Variants in TXLNB observed in about 807,000 individuals in gnomAD.
TXLNB encodes the protein taxilin beta, also known as beta-taxilin.
In TXLNB, 37 loss-of-function variants were observed where a neutral mutation model predicts 57.4. The ratio of observed to expected loss-of-function variants is 0.64; its 90% confidence interval spans 0.50 to 0.85. TXLNB has a LOEUF of 0.85. Among genes scored for constraint, TXLNB ranks in the 40% least tolerant of loss-of-function variants. The probability of loss-of-function intolerance (pLI) is 0.00; values close to 1 mark genes in which losing one functional copy is unlikely to be tolerated. For missense variants in TXLNB, 848 were observed against 825.6 expected (o/e 1.03, Z -0.33); for synonymous variants, 302 against 309.6 (o/e 0.98, Z 0.26).
At chr6:139,234,850 G>A in the TXLNB span, among the ~76,000 whole-genome samples, 2 of 152,164 alleles carry the variant, frequency 1.3e-5, no homozygotes, top group African/African-American at 4.8e-5. Flanking sequence ...TGCACCATGT[G>A]CGTGGAAAAG....
the TXLNB span, among the ~76,000 whole-genome samples, chr6:139,182,019 T>A: frequency 1.3e-5 from 2 of 152,234 alleles, no homozygotes; most frequent in Non-Finnish European, 2.9e-5. Context: ...GACTTGATCG[T>A]ATGCTTCTTC....
In TXLNB at chr6:139,285,094, G is replaced by A. The variant is rs192000707; in HGVS notation, c.424+3382C>T. The stretch of plus-strand genomic sequence containing the variant: ...ACACAGTCAGTTGGAATTTGGTATC[G>A]TAAATAGCGGCAGAATTAGGGAGTT... On this transcript the variant is annotated intron_variant, in intron 2 of 9. Coordinates refer to ENST00000358430, the MANE Select transcript of TXLNB (RefSeq NM_153235.4). Among the ~76,000 whole-genome samples, 219 of 145,428 alleles carry A rather than the reference G, an allele frequency of 1.5e-3. 21 individuals are homozygous for A. The highest frequency in any genetic ancestry group is 4.2e-3 in the Admixed American group (63 of 14,854).
intron 3 of TXLNB, chr6:139,271,918 T>G (rs1448335649): frequency 6.6e-6 from 1 of 152,392 alleles, no homozygotes; most frequent in Non-Finnish European, 1.5e-5. Flanking sequence ...CCCTGGTTCT[T>G]CTGGACCTCA....
chr6:139,160,649 A>G, the TXLNB span, among the ~76,000 whole-genome samples: 1 of 152,174 alleles, frequency 6.6e-6, no homozygotes, highest in African/African-American at 2.4e-5. Context: ...TCCTGGCCGC[A>G]AGTGATTCTC....
the TXLNB span, chr6:139,183,208 G>A: frequency 2.0e-5 from 3 of 152,278 alleles, no homozygotes; most frequent in East Asian, 5.8e-4. Context: ...TATAGTTAAT[G>A]ACTAACTAGG....
At chr6:139,298,624 G>T in the TXLNB span, among the ~76,000 whole-genome samples, 8 of 152,164 alleles carry the variant, frequency 5.3e-5, no homozygotes, top group African/African-American at 1.7e-4. Flanking sequence ...GCTACTATGG[G>T]CTGCAGCAAT....
At chr6:139,276,533 G>A (rs1776900189) in intron 3 of TXLNB, among the ~76,000 whole-genome samples, 1 of 152,174 alleles carries the variant, frequency 6.6e-6, no homozygotes, top group South Asian at 2.1e-4. Context: ...GGGTGATATG[G>A]TTTATTTTCA....
chr6:139,275,872 C>T (rs6907128), intron 3 of TXLNB, among the ~76,000 whole-genome samples: 6,185 of 152,286 alleles, frequency 0.041, 415 homozygotes, highest in African/African-American at 0.14. Flanking sequence ...TAAGCTTCCT[C>T]AGCTGCAATG....
At chr6:139,271,202 C>A in intron 3 of TXLNB, among the ~76,000 whole-genome samples, 1 of 152,174 alleles carries the variant, frequency 6.6e-6, no homozygotes, top group East Asian at 1.9e-4. Context: ...CCTTCCACTA[C>A]CTAAGCATTG....
At chr6:139,266,849 A>G (rs1583010983) in intron 4 of TXLNB, among the ~76,000 whole-genome samples, 1 of 152,206 alleles carries the variant, frequency 6.6e-6, no homozygotes, top group East Asian at 1.9e-4. Flanking sequence ...AAGACCTTGA[A>G]AAGGGCAGAG....
At chr6:139,269,748 G>C (rs575420519) in intron 4 of TXLNB, among the ~76,000 whole-genome samples, 1 of 152,292 alleles carries the variant, frequency 6.6e-6, no homozygotes, top group Admixed American at 6.5e-5. Flanking sequence ...AGCTGGAAAG[G>C]GGATTGGGGA....
At chr6:139,235,519 C>T (rs764136176), downstream of TXLNB, among the ~76,000 whole-genome samples, 1 of 152,126 alleles carries the variant, frequency 6.6e-6, no homozygotes. Context: ...TGTGTCCCCA[C>T]CCAAATCTCA....
chr6:139,321,724 C>T, the TXLNB span, among the ~76,000 whole-genome samples: 49 of 150,386 alleles, frequency 3.3e-4, no homozygotes, highest in Non-Finnish European at 6.2e-4. Context: ...CTCCACCTCC[C>T]GGGTTCACAC....
intron 4 of TXLNB, among the ~76,000 whole-genome samples, chr6:139,265,483 C>A (rs115723514): frequency 2.0e-5 from 3 of 151,796 alleles, no homozygotes; most frequent in African/African-American, 7.3e-5. Flanking sequence ...ATTAAAGAAG[C>A]GGTTTTAATA....
the TXLNB span, among the ~76,000 whole-genome samples, chr6:139,164,831 T>A: frequency 2.7e-5 from 4 of 150,492 alleles, no homozygotes; most frequent in African/African-American, 9.8e-5. Flanking sequence ...GCCACTCTTT[T>A]GGGCCTGTGG....
At chr6:139,162,074 G>A in the TXLNB span, among the ~76,000 whole-genome samples, 874 of 152,220 alleles carry the variant, frequency 5.7e-3, 5 homozygotes, top group Non-Finnish European at 9.7e-3. Context: ...TTCAGCACTG[G>A]AGTTTTACAA....
chr6:139,229,874 C>A, the TXLNB span, among the ~76,000 whole-genome samples: 4 of 152,198 alleles, frequency 2.6e-5, no homozygotes, highest in Admixed American at 1.3e-4. Flanking sequence ...GCACCTCCCA[C>A]CCCATCTTCC....
chr6:139,214,192 C>T, the TXLNB span, among the ~76,000 whole-genome samples: 2 of 152,166 alleles, frequency 1.3e-5, no homozygotes, highest in Non-Finnish European at 2.9e-5. Context: ...GAATTTTAGA[C>T]CAATATCCTT....
At chr6:139,177,111 G>A in the TXLNB span, 2 of 840,954 alleles carry the variant, frequency 2.4e-6, no homozygotes, top group Admixed American at 1.7e-5. The surrounding 1 kb of genome is among the most constrained non-coding windows in gnomAD (Gnocchi z 4.9). Flanking sequence ...ATTGATGAAA[G>A]CTTTGCTTTA....
Sources: allele counts gnomAD v4.1 joint callset (sites outside exome capture counted in the v4.1 genomes callset), GRCh38; gene constraint gnomAD v4.1.1; non-coding constraint Gnocchi (gnomAD v3.1); transcripts MANE v1.5; gene names NCBI Gene and HGNC (gene_info 2026-07-23, HGNC 2026-07-21).